GRM3: variants seen among roughly 807,000 people sequenced by gnomAD.
GRM3 encodes glutamate metabotropic receptor 3.
Under a neutral mutation model 70.5 loss-of-function variants are expected in GRM3, and 26 were observed. The ratio of observed to expected loss-of-function variants is 0.37; its 90% CI spans 0.27 to 0.51. The LOEUF is 0.51. Ranked by LOEUF, GRM3 falls within the 20% of genes least tolerant of loss-of-function variation. GRM3 has a pLI of 0.93. For synonymous variants in GRM3, 443 were observed against 434.9 expected (o/e 1.02, Z -0.23); for missense variants, 859 against 1,123.8 (o/e 0.76, Z 3.37).
intron 1 of GRM3, among the ~76,000 whole-genome samples, chr7:86,658,213 A>T (rs1337848090): frequency 6.6e-6 from 1 of 152,190 alleles, no homozygotes; most frequent in Non-Finnish European, 1.5e-5. Flanking sequence ...TACAGCCAAA[A>T]TTATCTTTAA....
intron 3 of GRM3, among the ~76,000 whole-genome samples, chr7:86,815,939 G>A (rs1798006211): frequency 6.6e-6 from 1 of 151,904 alleles, no homozygotes; most frequent in African/African-American, 2.4e-5. Flanking sequence ...GCAGTGAGGA[G>A]TAAGATGTGG....
Position 86,793,158 on chromosome 7 carries a change from G to A in GRM3, c.1324+6042G>A, listed in dbSNP as rs140496888. Reference sequence around the variant, plus strand: ...TGGAAGAGGAGAAGAGGCAGAAAATGGGTAGTCCAGCCTTGCCACCCTACT... The same window carrying A: ...TGGAAGAGGAGAAGAGGCAGAAAATAGGTAGTCCAGCCTTGCCACCCTACT... On this transcript the variant is annotated intron_variant, in intron 3 of 5. Coordinates refer to ENST00000361669, the MANE Select transcript of GRM3 (RefSeq NM_000840.3). Among the ~76,000 whole-genome samples, 26 of 151,890 alleles carry A rather than the reference G, an allele frequency of 1.7e-4. 1 individual carries two copies. Among genetic ancestry groups the A allele is most frequent in the African/African-American group, 5.6e-4 (23 of 41,422 alleles).
chr7:86,695,891 T>A (rs1180614972), intron 1 of GRM3, among the ~76,000 whole-genome samples: 1 of 152,156 alleles, frequency 6.6e-6, no homozygotes, highest in African/African-American at 2.4e-5. Flanking sequence ...TAAGAGACAA[T>A]GATATCACTC....
chr7:86,711,355 T>A (rs749296281), intron 1 of GRM3, among the ~76,000 whole-genome samples: 25 of 152,054 alleles, frequency 1.6e-4, no homozygotes, highest in Non-Finnish European at 2.6e-4. Context: ...TAAATATGTA[T>A]GCATATATTA....
At chr7:86,813,442 A>G (rs1797953319) in intron 3 of GRM3, among the ~76,000 whole-genome samples, 5 of 151,880 alleles carry the variant, frequency 3.3e-5, no homozygotes, top group Admixed American at 3.3e-4. Context: ...GTGTATTCTC[A>G]TCACTTAAGC....
At chr7:86,690,331 C>T (rs1562826753) in intron 1 of GRM3, among the ~76,000 whole-genome samples, 1 of 152,112 alleles carries the variant, frequency 6.6e-6, no homozygotes, top group African/African-American at 2.4e-5. Context: ...GGCTGAGGAG[C>T]TTAAATTTTA....
At chr7:86,844,641 T>C (rs1254710759) in intron 4 of GRM3, among the ~76,000 whole-genome samples, 1 of 152,010 alleles carries the variant, frequency 6.6e-6, no homozygotes, top group Non-Finnish European at 1.5e-5. Flanking sequence ...GAAGTTGAGG[T>C]GGGTACTGGG....
chr7:86,657,204 C>T (rs867660099), intron 1 of GRM3, among the ~76,000 whole-genome samples: 4 of 152,138 alleles, frequency 2.6e-5, no homozygotes, highest in African/African-American at 4.8e-5. Flanking sequence ...ACTTTCAAGG[C>T]ACTGGGCAAG....
chr7:86,840,907 A>G (rs1798546650), intron 4 of GRM3, among the ~76,000 whole-genome samples: 1 of 152,306 alleles, frequency 6.6e-6, no homozygotes, highest in East Asian at 1.9e-4. Flanking sequence ...GCCCAAAAAG[A>G]AGACAGAGTA....
chr7:86,734,604 AG>A (rs1407406698), intron 1 of GRM3, among the ~76,000 whole-genome samples: 2 of 152,220 alleles, frequency 1.3e-5, no homozygotes, highest in Admixed American at 1.3e-4. Flanking sequence ...GAAGTCTCTC[AG>A]CATGCAGCCT....
At chr7:86,699,149 A>T (rs947875250) in intron 1 of GRM3, among the ~76,000 whole-genome samples, 1 of 152,086 alleles carries the variant, frequency 6.6e-6, no homozygotes, top group African/African-American at 2.4e-5. Flanking sequence ...GAGCTTATTA[A>T]TTAGGGAAGA....
intron 3 of GRM3, among the ~76,000 whole-genome samples, chr7:86,834,250 T>C (rs1000706272): frequency 6.6e-6 from 1 of 152,192 alleles, no homozygotes; most frequent in Non-Finnish European, 1.5e-5. Context: ...GTGTTCACTT[T>C]GCCTTTCAAT....
chr7:86,799,834 C>G (rs1413595156), intron 3 of GRM3, among the ~76,000 whole-genome samples: 2 of 152,120 alleles, frequency 1.3e-5, no homozygotes, highest in South Asian at 2.1e-4. Flanking sequence ...TGGCCAATAC[C>G]TAGTTTGTTG....
intron 1 of GRM3, among the ~76,000 whole-genome samples, chr7:86,712,581 G>A (rs749062701): frequency 1.5e-4 from 23 of 151,900 alleles, no homozygotes; most frequent in South Asian, 1.5e-3. Context: ...ACACTAGGTC[G>A]TATTTCTTTT....
At chr7:86,789,233 AAG>A (rs1175177029) in intron 3 of GRM3, among the ~76,000 whole-genome samples, 3 of 152,180 alleles carry the variant, frequency 2.0e-5, no homozygotes, top group Non-Finnish European at 4.4e-5. Context: ...AACTACATAA[AAG>A]AGAGGGAATT....
intron 1 of GRM3, among the ~76,000 whole-genome samples, chr7:86,647,689 A>G (rs146394414): frequency 3.5e-4 from 54 of 152,338 alleles, no homozygotes; most frequent in African/African-American, 1.2e-3. Flanking sequence ...AATTGCTCCC[A>G]AGGAGGAGCA....
intron 1 of GRM3, among the ~76,000 whole-genome samples, chr7:86,715,833 A>G (rs920742275): frequency 2.6e-5 from 4 of 152,036 alleles, no homozygotes; most frequent in Admixed American, 2.0e-4. Context: ...TCTATCTGTC[A>G]TCTTGCAATG....
At chr7:86,730,816 C>T (rs1183462791) in intron 1 of GRM3, among the ~76,000 whole-genome samples, 1 of 152,210 alleles carries the variant, frequency 6.6e-6, no homozygotes, top group Non-Finnish European at 1.5e-5. Context: ...TTGAGGGTCA[C>T]TTCTAATCTT....
intron 3 of GRM3, among the ~76,000 whole-genome samples, chr7:86,809,820 T>C (rs768107104): frequency 6.6e-6 from 1 of 151,998 alleles, no homozygotes; most frequent in Non-Finnish European, 1.5e-5. Context: ...ATTAGGGCAA[T>C]AAAATTATCT....
Sources: allele counts gnomAD v4.1 joint callset (sites outside exome capture counted in the v4.1 genomes callset), GRCh38; gene constraint gnomAD v4.1.1; transcripts MANE v1.5; gene names NCBI Gene and HGNC (gene_info 2026-07-23, HGNC 2026-07-21).